Variants in IL1RAPL1 observed in about 807,000 individuals in gnomAD.
IL1RAPL1 encodes interleukin 1 receptor accessory protein like 1.
IL1RAPL1 carries 3 observed loss-of-function variants against 48.4 expected under a neutral mutation model. That is an observed-to-expected ratio of 0.06 (90% CI 0.03 to 0.16). The LOEUF is 0.16. IL1RAPL1 is among the 10% of genes least tolerant of loss of function. The pLI, the probability that IL1RAPL1 is intolerant of heterozygous loss-of-function variation, is 1.00. For synonymous variants in IL1RAPL1, 185 were observed against 187.7 expected (o/e 0.99, Z 0.12); for missense variants, 349 against 530.6 (o/e 0.66, Z 3.36).
chrX:29,343,650 A>G (rs946385991), intron 3 of IL1RAPL1, among the ~76,000 whole-genome samples: 1 of 112,068 alleles, frequency 8.9e-6, no homozygotes, highest in African/African-American at 3.2e-5. Context: ...TAAAAACAAT[A>G]TGATCAATTT....
intron 3 of IL1RAPL1, among the ~76,000 whole-genome samples, chrX:29,313,433 G>T (rs1433482341): frequency 1.8e-5 from 2 of 111,648 alleles, no homozygotes; most frequent in Non-Finnish European, 3.8e-5. Context: ...ATCTCATTAA[G>T]CCCTCCCCCA....
chrX:28,836,038 G>A (rs967416211), intron 2 of IL1RAPL1, among the ~76,000 whole-genome samples: 12 of 110,603 alleles, frequency 1.1e-4, no homozygotes, highest in African/African-American at 3.9e-4. Flanking sequence ...TCTAAAAATA[G>A]AAGATCCTTT....
chrX:29,528,625 A>C (rs1330320099), intron 5 of IL1RAPL1, among the ~76,000 whole-genome samples: 1 of 111,517 alleles, frequency 9.0e-6, no homozygotes, highest in African/African-American at 3.3e-5. Context: ...TCCTCCATAA[A>C]CTCTCTCACA....
At chrX:28,700,738 G>A (rs1267640261) in intron 1 of IL1RAPL1, among the ~76,000 whole-genome samples, 1 of 110,319 alleles carries the variant, frequency 9.1e-6, no homozygotes, top group Admixed American at 9.7e-5. Flanking sequence ...AGTGTGTGAT[G>A]TTCCCCTCCC....
chrX:29,071,684 G>A (rs1927567193), intron 2 of IL1RAPL1, among the ~76,000 whole-genome samples: 1 of 111,228 alleles, frequency 9.0e-6, no homozygotes, highest in East Asian at 2.8e-4. Flanking sequence ...GAAAGTGTGT[G>A]GGAAATGCAA....
At chrX:29,662,816 C>T (rs1040487378) in intron 5 of IL1RAPL1, among the ~76,000 whole-genome samples, 7 of 111,537 alleles carry the variant, frequency 6.3e-5, no homozygotes, top group Non-Finnish European at 9.4e-5. Flanking sequence ...CTGACCTCCC[C>T]GCACCTTTCT....
At chrX:29,773,844 A>T (rs906725778) in intron 6 of IL1RAPL1, among the ~76,000 whole-genome samples, 4 of 112,068 alleles carry the variant, frequency 3.6e-5, no homozygotes, top group Non-Finnish European at 7.5e-5. Context: ...AATAAAAATA[A>T]TGTCAAATAA....
At chrX:29,181,125 A>G (rs1243863577) in intron 2 of IL1RAPL1, among the ~76,000 whole-genome samples, 1 of 111,878 alleles carries the variant, frequency 8.9e-6, no homozygotes. Context: ...AGTTGCTAAC[A>G]TGTGACCTGG....
intron 2 of IL1RAPL1, among the ~76,000 whole-genome samples, chrX:28,930,415 G>A (rs1923848452): frequency 9.0e-6 from 1 of 111,664 alleles, no homozygotes; most frequent in Non-Finnish European, 1.9e-5. Context: ...TAATATGACT[G>A]ATATTTTGTG....
intron 2 of IL1RAPL1, among the ~76,000 whole-genome samples, chrX:29,153,113 A>G (rs1198323195): frequency 9.0e-6 from 1 of 111,477 alleles, no homozygotes; most frequent in African/African-American, 3.3e-5. Flanking sequence ...TACATTTCTT[A>G]TCTCTTGGCC....
intron 2 of IL1RAPL1, among the ~76,000 whole-genome samples, chrX:29,236,791 G>A (rs763508083): frequency 4.8e-5 from 5 of 104,560 alleles, no homozygotes; most frequent in Admixed American, 2.1e-4. Flanking sequence ...GGATGGTCTC[G>A]ATCTCCTGAC....
At chrX:29,497,050 C>A (rs1935221965) in intron 5 of IL1RAPL1, among the ~76,000 whole-genome samples, 2 of 112,744 alleles carry the variant, frequency 1.8e-5, no homozygotes, top group South Asian at 7.1e-4. Flanking sequence ...GGCAACATAA[C>A]CCTGATATGA....
intron 6 of IL1RAPL1, among the ~76,000 whole-genome samples, chrX:29,773,104 C>T (rs190597690): frequency 8.9e-6 from 1 of 112,509 alleles, no homozygotes; most frequent in Admixed American, 9.4e-5. Context: ...TACAACTTCA[C>T]TGAAATTCTG....
intron 1 of IL1RAPL1, among the ~76,000 whole-genome samples, chrX:28,703,373 T>A (rs776719446): frequency 9.0e-6 from 1 of 111,592 alleles, no homozygotes; most frequent in African/African-American, 3.3e-5. Context: ...TGATTATTGA[T>A]GATGATGATG....
At chrX:29,361,852 A>G (rs943427299) in intron 3 of IL1RAPL1, among the ~76,000 whole-genome samples, 23 of 112,216 alleles carry the variant, frequency 2.0e-4, no homozygotes, top group Admixed American at 5.7e-4. Context: ...CATTCTACAA[A>G]CGTTGCAGTT....
intron 9 of IL1RAPL1, among the ~76,000 whole-genome samples, chrX:29,943,056 G>T (rs549549328): frequency 9.0e-6 from 1 of 111,286 alleles, no homozygotes; most frequent in African/African-American, 3.3e-5. Context: ...AGCAAAACTA[G>T]TTTTGCAGGT....
intron 2 of IL1RAPL1, among the ~76,000 whole-genome samples, chrX:29,225,639 G>A (rs910760233): frequency 2.7e-5 from 3 of 111,870 alleles, no homozygotes; most frequent in Admixed American, 9.5e-5. Flanking sequence ...TAATGGAAAA[G>A]TACTGGAGGA....
At chrX:29,231,751 C>A (rs1332676494) in intron 2 of IL1RAPL1, among the ~76,000 whole-genome samples, 1 of 111,503 alleles carries the variant, frequency 9.0e-6, no homozygotes. Context: ...GGTGACTCCC[C>A]CAGTGTGAAT....
chrX:28,889,339 A>G (rs1293712298), intron 2 of IL1RAPL1, among the ~76,000 whole-genome samples: 1 of 111,587 alleles, frequency 9.0e-6, no homozygotes, highest in Non-Finnish European at 1.9e-5. Context: ...TGAAGATTCC[A>G]TATCTATAAG....
Sources: allele counts gnomAD v4.1 joint callset (sites outside exome capture counted in the v4.1 genomes callset), GRCh38; gene constraint gnomAD v4.1.1; transcripts MANE v1.5; gene names NCBI Gene and HGNC (gene_info 2026-07-23, HGNC 2026-07-21).